LDB2: variants seen among roughly 807,000 people sequenced by gnomAD.
The protein encoded by LDB2 is LIM domain binding 2, also known as LIM domain-binding protein 2.
LDB2 carries 12 observed loss-of-function variants against 44.3 expected under a neutral mutation model. The observed-to-expected ratio is 0.27, with a 90% CI of 0.17 to 0.44. LDB2 has a LOEUF of 0.44. LDB2 is among the 20% of genes least tolerant of loss of function. The probability of loss-of-function intolerance (pLI) is 1.00; values close to 1 mark genes in which losing one functional copy is unlikely to be tolerated. For synonymous variants in LDB2, 164 were observed against 174.8 expected (o/e 0.94, Z 0.49); for missense variants, 344 against 473.5 (o/e 0.73, Z 2.54).
At chr4:16,637,299 A>ATTTTTTTTTT (rs34484721) in intron 2 of LDB2, among the ~76,000 whole-genome samples, 12 of 85,480 alleles carry the variant, frequency 1.4e-4, no homozygotes, top group Non-Finnish European at 1.8e-4. Flanking sequence ...GCCTAGGCTG[A>ATTTTTTTTTT]TTTTTTTTTT....
chr4:16,548,402 C>T (rs184419096), intron 5 of LDB2, among the ~76,000 whole-genome samples: 19 of 152,320 alleles, frequency 1.2e-4, no homozygotes, highest in African/African-American at 4.3e-4. Context: ...TTCTCCTCCT[C>T]CCACCTTTCT....
intron 1 of LDB2, among the ~76,000 whole-genome samples, chr4:16,809,656 T>C (rs1291438867): frequency 2.0e-5 from 3 of 152,076 alleles, no homozygotes; most frequent in Non-Finnish European, 2.9e-5. Flanking sequence ...ACAAGTTTTG[T>C]ACCTAAACCA....
chr4:16,819,091 CTT>C, intron 1 of LDB2, among the ~76,000 whole-genome samples: 1 of 46,862 alleles, frequency 2.1e-5, no homozygotes, highest in South Asian at 9.1e-4. Flanking sequence ...GTTGTGGTTG[CTT>C]GTGTGTGTGT....
chr4:16,783,630 C>A (rs971772716), intron 1 of LDB2, among the ~76,000 whole-genome samples: 6 of 152,186 alleles, frequency 3.9e-5, no homozygotes, highest in African/African-American at 1.4e-4. Context: ...CTGTGTCCTG[C>A]AGTTTGGTGG....
Position 16,736,077 on chromosome 4 carries a change from C to A in LDB2, c.235+23081G>T, listed in dbSNP as rs181116137. Among the ~76,000 whole-genome samples, 3 of 152,202 alleles carry A rather than the reference C, an allele frequency of 2.0e-5. No homozygotes were observed. In the East Asian group the frequency reaches 5.8e-4, roughly 29 times the overall value. ...AGCACCAGCCATCACTGGCCAGCCC[C>A]GCCTGGTGCTTTTCCTCCTACACTC... is the stretch of plus-strand genomic sequence containing the variant. On this transcript the variant is annotated intron_variant, in intron 2 of 7. Coordinates refer to ENST00000304523, the MANE Select transcript of LDB2 (RefSeq NM_001290.5).
At chr4:16,891,667 A>G (rs191872864) in intron 1 of LDB2, among the ~76,000 whole-genome samples, 143 of 152,188 alleles carry the variant, frequency 9.4e-4, no homozygotes, top group African/African-American at 3.2e-3. Flanking sequence ...TACCCAGGGT[A>G]TATTTTCCAT....
At chr4:16,694,190 G>A (rs1309535078) in intron 2 of LDB2, among the ~76,000 whole-genome samples, 1 of 152,202 alleles carries the variant, frequency 6.6e-6, no homozygotes, top group Non-Finnish European at 1.5e-5. Context: ...CCGCACATTC[G>A]GGATAACTTA....
At position 16,808,956 on chromosome 4, in the gene LDB2, T is replaced by C. The variant is rs138635900; in HGVS notation, c.133-49696A>G. 1.3e-3 allele frequency among the ~76,000 whole-genome samples: 204 copies of C among 152,292 alleles called. 1 individual carries two copies. The highest frequency in any genetic ancestry group is 4.6e-3 in the African/African-American group (193 of 41,556). On this transcript the variant is annotated intron_variant, in intron 1 of 7. Transcript: ENST00000304523. ...CTAAAGGAACTACTCTGAAAGTCCC[T>C]TTTGCATTTTGTGGCCCTGTTTTAA...
chr4:16,595,567 A>G (rs979561534), intron 3 of LDB2, 136 bp downstream of exon 3: 7 of 707,756 alleles, frequency 9.9e-6, no homozygotes, highest in Non-Finnish European at 1.4e-5. Context: ...CACAAACAAG[A>G]AAGATTCTCT....
rs1216416531 is a variant in LDB2 at position 16,739,112 on chromosome 4, A to G, written c.235+20046T>C. On this transcript the variant is annotated intron_variant, in intron 2 of 7. Transcript: ENST00000304523. The stretch of plus-strand genomic sequence containing the variant: ...AAGTGGGCTTCTCTTTAATTAAACC[A>G]ATCTAAGGCGCCCCCCAAATCATCT... Among the ~76,000 whole-genome samples the G allele has an allele frequency of 3.9e-5, 6 of 152,106 alleles. No individual in the cohort carries two copies. The South Asian group carries it at 1.2e-3, about 32-fold the overall frequency.
At chr4:16,580,708 G>T (rs1055758492) in intron 5 of LDB2, among the ~76,000 whole-genome samples, 1 of 152,148 alleles carries the variant, frequency 6.6e-6, no homozygotes, top group Admixed American at 6.5e-5. Context: ...CTTGCATTCT[G>T]TTCAGTGAAT....
intron 1 of LDB2, among the ~76,000 whole-genome samples, chr4:16,837,797 C>A (rs158260): frequency 1.3e-5 from 2 of 152,022 alleles, no homozygotes; most frequent in East Asian, 1.9e-4. Flanking sequence ...GTACTACAAA[C>A]AAATAAAATG....
chr4:16,895,964 T>C (rs1724884833), intron 1 of LDB2, among the ~76,000 whole-genome samples: 1 of 152,164 alleles, frequency 6.6e-6, no homozygotes, highest in South Asian at 2.1e-4. Flanking sequence ...CCCCTTTTCA[T>C]ATGAAATAAA....
At chr4:16,781,528 GA>G (rs374379698) in intron 1 of LDB2, among the ~76,000 whole-genome samples, 126 of 152,264 alleles carry the variant, frequency 8.3e-4, no homozygotes, top group African/African-American at 2.7e-3. Flanking sequence ...TCCCCAAGTA[GA>G]TGGAGTAGAT....
At chr4:16,882,298 C>T (rs770395935) in intron 1 of LDB2, among the ~76,000 whole-genome samples, 3 of 152,206 alleles carry the variant, frequency 2.0e-5, no homozygotes, top group African/African-American at 7.2e-5. Context: ...TCCTAGACAA[C>T]ACAGGGTGCC....
intron 1 of LDB2, among the ~76,000 whole-genome samples, chr4:16,881,314 T>C (rs753896142): frequency 7.2e-5 from 11 of 152,192 alleles, no homozygotes; most frequent in South Asian, 2.1e-4. Flanking sequence ...GCCTCACTTA[T>C]CTTATCTGAA....
chr4:16,723,351 G>C (rs370454700), intron 2 of LDB2, among the ~76,000 whole-genome samples: 1 of 152,174 alleles, frequency 6.6e-6, no homozygotes, highest in Non-Finnish European at 1.5e-5. Flanking sequence ...AAGGGCAAGA[G>C]GGACAGGAGA....
At chr4:16,892,756 C>T in intron 1 of LDB2, among the ~76,000 whole-genome samples, 1 of 152,106 alleles carries the variant, frequency 6.6e-6, no homozygotes, top group East Asian at 1.9e-4. Context: ...ATTTATGGCC[C>T]TGTTCTCCAT....
intron 1 of LDB2, among the ~76,000 whole-genome samples, chr4:16,802,076 C>G (rs747916814): frequency 1.3e-5 from 2 of 152,120 alleles, no homozygotes; most frequent in Non-Finnish European, 2.9e-5. Flanking sequence ...GGTGAATTAG[C>G]GAAATAATGT....
Sources: allele counts gnomAD v4.1 joint callset (sites outside exome capture counted in the v4.1 genomes callset), GRCh38; gene constraint gnomAD v4.1.1; transcripts MANE v1.5; gene names NCBI Gene and HGNC (gene_info 2026-07-23, HGNC 2026-07-21).